The following ADCK1 variants were observed in gnomAD, a reference collection of about 807,000 sequenced individuals.
ADCK1 encodes the protein aarF domain-containing protein kinase 1.
In ADCK1, 41 loss-of-function variants were observed where a neutral mutation model predicts 52.3. The observed-to-expected ratio is 0.78, with a 90% CI of 0.61 to 1.02. The LOEUF is 1.02. Among genes scored for constraint, ADCK1 ranks in the 50% least tolerant of loss-of-function variants. The pLI, the probability that ADCK1 is intolerant of heterozygous loss-of-function variation, is 0.00. For missense variants in ADCK1, 658 were observed against 679.5 expected, an observed-to-expected ratio of 0.97 and a Z score of 0.35; for synonymous variants, 250 against 274.6, an observed-to-expected ratio of 0.91 and a Z score of 0.89.
chr14:77,820,513 G>A (rs959492803), intron 2 of ADCK1, among the ~76,000 whole-genome samples: 11 of 151,536 alleles, frequency 7.3e-5, no homozygotes, highest in African/African-American at 2.7e-4. Context: ...CTATTTTTTT[G>A]TAGAGATAGG....
chr14:77,919,259 A>G (rs12878518), intron 7 of ADCK1, among the ~76,000 whole-genome samples: 12,351 of 152,236 alleles, frequency 0.081, 698 homozygotes, highest in Middle Eastern at 0.15. Context: ...CCAAGTCCCC[A>G]TAGTTCATTG....
chr14:77,908,785 GA>G (rs1277285149), intron 7 of ADCK1, among the ~76,000 whole-genome samples: 1 of 152,216 alleles, frequency 6.6e-6, no homozygotes, highest in African/African-American at 2.4e-5. Flanking sequence ...ATCAGAGTCA[GA>G]CACACATCTA....
chr14:77,847,897 C>T (rs756308231), intron 3 of ADCK1, among the ~76,000 whole-genome samples: 15 of 152,166 alleles, frequency 9.9e-5, no homozygotes, highest in Non-Finnish European at 2.2e-4. Flanking sequence ...GGAACAGTTC[C>T]CGGGAGCCCA....
chr14:77,920,646 T>C (rs1201901661), intron 7 of ADCK1, among the ~76,000 whole-genome samples: 1 of 152,208 alleles, frequency 6.6e-6, no homozygotes. Context: ...TATTTAGTTT[T>C]ACTTTTAATT....
intron 7 of ADCK1, among the ~76,000 whole-genome samples, chr14:77,915,469 A>G (rs1008097189): frequency 2.6e-5 from 4 of 151,866 alleles, no homozygotes; most frequent in Non-Finnish European, 5.9e-5. Flanking sequence ...ACGTATGTTT[A>G]TTGTGGCACT....
chr14:77,840,154 C>CTATGA (rs2082037856), intron 3 of ADCK1, among the ~76,000 whole-genome samples: 1 of 151,844 alleles, frequency 6.6e-6, no homozygotes, highest in African/African-American at 2.4e-5. Context: ...ACAGTAGCTT[C>CTATGA]CTATGACTAT....
At chr14:77,812,712 C>A (rs933433369) in intron 1 of ADCK1, among the ~76,000 whole-genome samples, 1 of 151,938 alleles carries the variant, frequency 6.6e-6, no homozygotes, top group Non-Finnish European at 1.5e-5. Flanking sequence ...GCTTTAGCCA[C>A]CTGAGTAGCT....
chr14:77,885,087 C>T (rs1305562989), intron 4 of ADCK1, among the ~76,000 whole-genome samples: 5 of 152,214 alleles, frequency 3.3e-5, no homozygotes, highest in African/African-American at 1.2e-4. Flanking sequence ...CAGCCCTGTT[C>T]TAGGGAGTTG....
In ADCK1 at chr14:77,865,387, G is replaced by T. The variant is rs144210243; in HGVS notation, c.423+6108G>T. On this transcript the variant is annotated intron_variant, in intron 4 of 10. Transcript: ENST00000238561. ...AATCCCAGCTACTCAGGAGGGTGAG[G>T]CAGGAGAATCCCTTGAACCCGGGAG... Among the ~76,000 whole-genome samples, 1,087 of 152,268 alleles carry T rather than the reference G, an allele frequency of 7.1e-3. 14 individuals are homozygous for T. The highest frequency in any genetic ancestry group is 0.025 in the African/African-American group (1,045 of 41,550).
chr14:77,861,396 G>A (rs1246719059), intron 4 of ADCK1, among the ~76,000 whole-genome samples: 5 of 152,098 alleles, frequency 3.3e-5, no homozygotes, highest in Non-Finnish European at 7.4e-5. Flanking sequence ...GTGGGAAGAA[G>A]GGTGGGTGCG....
At chr14:77,843,867 G>A (rs139356197) in intron 3 of ADCK1, among the ~76,000 whole-genome samples, 1 of 152,220 alleles carries the variant, frequency 6.6e-6, no homozygotes, top group African/African-American at 2.4e-5. Context: ...TATTCATTAA[G>A]CTTTCTTAGC....
intron 4 of ADCK1, among the ~76,000 whole-genome samples, chr14:77,860,710 G>C (rs1230984495): frequency 6.6e-6 from 1 of 152,198 alleles, no homozygotes; most frequent in Non-Finnish European, 1.5e-5. Flanking sequence ...AGGCAGAGGG[G>C]ACTGAATTGG....
chr14:77,801,565 AT>A (rs1329941233), intron 1 of ADCK1, among the ~76,000 whole-genome samples: 1 of 152,126 alleles, frequency 6.6e-6, no homozygotes, highest in Non-Finnish European at 1.5e-5. Flanking sequence ...GGGATGTGCG[AT>A]TTGATCTGTA....
At chr14:77,880,934 C>T (rs949889661) in intron 4 of ADCK1, among the ~76,000 whole-genome samples, 9 of 152,198 alleles carry the variant, frequency 5.9e-5, no homozygotes, top group African/African-American at 1.7e-4. Flanking sequence ...AAATTGGTTT[C>T]ATTTCGTATA....
chr14:77,893,737 C>CTTCCCTCCTTTCT (rs35559156), intron 5 of ADCK1, among the ~76,000 whole-genome samples: 1 of 50,354 alleles, frequency 2.0e-5, no homozygotes. Context: ...TCCTTCCTTC[C>CTTCCCTCCTTTCT]TTTTTTTTTT....
At chr14:77,860,751 C>G (rs1359149112) in intron 4 of ADCK1, among the ~76,000 whole-genome samples, 1 of 152,200 alleles carries the variant, frequency 6.6e-6, no homozygotes, top group Non-Finnish European at 1.5e-5. Context: ...GGCTTTGCCT[C>G]TTGCCAAGAC....
chr14:77,836,537 C>T (rs953904696), intron 3 of ADCK1, among the ~76,000 whole-genome samples: 37 of 152,112 alleles, frequency 2.4e-4, no homozygotes, highest in African/African-American at 8.9e-4. Flanking sequence ...CCTGTGATTG[C>T]CATAACAAAT....
At position 77,925,854 on chromosome 14, in the gene ADCK1, C is replaced by T. The variant is rs199682998; in HGVS notation, c.1099C>T (p.Arg367Ter). The change falls in exon 9 of 11, where the codon CGA (arginine) becomes TGA (stop). Residue 367 changes from arginine to a stop codon, truncating the protein, a stop_gained. Transcript: ENST00000238561. LOFTEE classifies it high-confidence loss of function. ...GAAGAGAGTGAAGGAGTACAGCCAG[C>T]GACTGGGAGCCGGGGATCTCTACCC... ...DMKRVKEYSQ[R>*]LGAGDLYPLF... The T allele has an allele frequency of 5.4e-5, 87 of 1,614,206 alleles. No individual in the cohort carries two copies. Among genetic ancestry groups the T allele is most frequent in the Admixed American group, 4.2e-4 (25 of 60,024 alleles).
chr14:77,833,526 C>T (rs940873415), intron 3 of ADCK1, among the ~76,000 whole-genome samples: 2 of 152,134 alleles, frequency 1.3e-5, no homozygotes, highest in African/African-American at 4.8e-5. Context: ...AGGACCAGTT[C>T]TTTGGAATTA....
Sources: allele counts gnomAD v4.1 joint callset (sites outside exome capture counted in the v4.1 genomes callset), GRCh38; gene constraint gnomAD v4.1.1; transcripts MANE v1.5; gene names NCBI Gene and HGNC (gene_info 2026-07-23, HGNC 2026-07-21).